The following EIF3B variants were observed in gnomAD, a reference collection of about 807,000 sequenced individuals.
The protein encoded by EIF3B is eukaryotic translation initiation factor 3 subunit B, also known as eukaryotic translation initiation factor 3 subunit 9.
EIF3B carries 10 observed loss-of-function variants against 104.6 expected under a neutral mutation model. The observed-to-expected ratio is 0.10, with a 90% CI of 0.06 to 0.16. EIF3B has a LOEUF of 0.16. EIF3B is among the 10% of genes least tolerant of loss of function. EIF3B has a pLI of 1.00. For missense variants in EIF3B, 1,014 were observed against 1,087.9 expected (o/e 0.93, Z 0.96); for synonymous variants, 542 against 417.2 (o/e 1.30, Z -3.65).
intron 10 of EIF3B, 88 bp downstream of exon 10, chr7:2,369,770 T>C (rs1467024449): frequency 1.0e-5 from 1 of 100,494 alleles, no homozygotes; most frequent in East Asian, 1.8e-3. Context: ...AATGGATTTT[T>C]TTTTTTTTTT....
At chr7:2,358,831 G>C (rs913684070) in intron 1 of EIF3B, among the ~76,000 whole-genome samples, 2 of 152,198 alleles carry the variant, frequency 1.3e-5, no homozygotes, top group African/African-American at 4.8e-5. Context: ...GCCTGGCCGT[G>C]TTCTAAATTC....
chr7:2,354,516 G>A (rs941244084), upstream of EIF3B, among the ~76,000 whole-genome samples: 5 of 152,072 alleles, frequency 3.3e-5, no homozygotes. Flanking sequence ...TCTTGTCCCC[G>A]CCTTCAGCTC....
At chr7:2,357,640 CTCTT>C (rs1469099452) in intron 1 of EIF3B, among the ~76,000 whole-genome samples, 1 of 152,134 alleles carries the variant, frequency 6.6e-6, no homozygotes, top group African/African-American at 2.4e-5. Context: ...ACTATTCTTT[CTCTT>C]TCTATTTGCT....
chr7:2,362,416 T>C (rs985567221), intron 2 of EIF3B, among the ~76,000 whole-genome samples: 1 of 152,258 alleles, frequency 6.6e-6, no homozygotes, highest in Non-Finnish European at 1.5e-5. Flanking sequence ...TCTATAATTA[T>C]GATAATGAAA....
intron 1 of EIF3B, among the ~76,000 whole-genome samples, chr7:2,358,576 G>C (rs1353340791): frequency 6.6e-6 from 1 of 152,020 alleles, no homozygotes; most frequent in Non-Finnish European, 1.5e-5. Context: ...TCCCAGGCTG[G>C]AGTGCAGTGG....
chr7:2,367,825 A>ATTTTTTTTTTTTTTTTT (rs71026506), intron 9 of EIF3B, among the ~76,000 whole-genome samples: 5 of 60,292 alleles, frequency 8.3e-5, no homozygotes, highest in South Asian at 8.1e-4. Context: ...TTTTTTTAAA[A>ATTTTTTTTTTTTTTTTT]TTTTTTTTTT....
At chr7:2,378,968 G>C in intron 16 of EIF3B, 166 bp from the exon 17 acceptor site, 1 of 747,074 alleles carries the variant, frequency 1.3e-6, no homozygotes, top group Non-Finnish European at 2.2e-6. Flanking sequence ...CTGCCTTGTG[G>C]GTGGGGGGCA....
chr7:2,379,101 C>A lies in EIF3B; in HGVS notation c.2233-33C>A. On this transcript the variant is annotated intron_variant, in intron 16 of 18. Coordinates refer to ENST00000360876, the MANE Select transcript of EIF3B (RefSeq NM_001037283.2). ...TCGCGATGGGGAGGCACTTGTCTTA[C>A]CAGTTCTGTGCTTTCCCCAACCTCA... The A allele has an allele frequency of 1.9e-6, 3 of 1,594,078 alleles. 1 individual carries two copies. In the South Asian group the frequency reaches 3.3e-5, roughly 18 times the overall value.
chr7:2,365,285 G>C (rs572756066), intron 6 of EIF3B, among the ~76,000 whole-genome samples: 3 of 152,218 alleles, frequency 2.0e-5, no homozygotes, highest in African/African-American at 7.2e-5. Context: ...TCCGGCTGTC[G>C]GAGGCCTGCT....
chr7:2,375,740 C>T (rs914265748), intron 14 of EIF3B, among the ~76,000 whole-genome samples: 22 of 151,992 alleles, frequency 1.4e-4, no homozygotes, highest in Non-Finnish European at 2.6e-4. Flanking sequence ...CTCATGGTTG[C>T]GGGGAGGTGG....
intron 1 of EIF3B, 26 bp downstream of exon 1, chr7:2,355,446 C>T (rs376604993): frequency 2.8e-6 from 4 of 1,419,482 alleles, no homozygotes; most frequent in South Asian, 2.9e-5. Flanking sequence ...GCGGGGCTGG[C>T]GAGCGGCGCG....
chr7:2,359,916 C>A (rs1779641602), intron 1 of EIF3B, among the ~76,000 whole-genome samples: 1 of 152,162 alleles, frequency 6.6e-6, no homozygotes, highest in African/African-American at 2.4e-5. Context: ...CTGTCACATC[C>A]CTGTCTCCTG....
At position 2,360,701 on chromosome 7, in the gene EIF3B, CTT is replaced by C. The variant is rs1327524585; in HGVS notation, c.500-8_500-7del. 6 of 1,569,914 alleles carry C rather than the reference CTT, an allele frequency of 3.8e-6. No homozygotes were observed. Among genetic ancestry groups the C allele is most frequent in the African/African-American group, 1.4e-5 (1 of 73,512 alleles). Reference sequence around the variant, plus strand: ...AAAAATGATCATTTGAAAAATCTCTCTTGTTCAGAATTACTGGGAGATGTACT... The same window carrying C: ...AAAAATGATCATTTGAAAAATCTCTCGTTCAGAATTACTGGGAGATGTACT... On this transcript the variant is annotated splice_polypyrimidine_tract_variant and splice_region_variant and intron_variant, in intron 1 of 18. Transcript: ENST00000360876.
intron 9 of EIF3B, among the ~76,000 whole-genome samples, chr7:2,368,211 C>T (rs1178409862): frequency 1.3e-5 from 2 of 152,074 alleles, no homozygotes; most frequent in East Asian, 3.8e-4. Context: ...GGCGTGATCT[C>T]GGCTGACTGC....
intron 4 of EIF3B, 44 bp downstream of exon 4, chr7:2,363,171 T>G: frequency 6.3e-7 from 1 of 1,595,270 alleles, no homozygotes; most frequent in Non-Finnish European, 8.6e-7. Flanking sequence ...AAAGAAATGC[T>G]GCTGGGTGTG....
rs962882055 is a variant in EIF3B, at chr7:2,380,255, T to G, written c.*66T>G. On this transcript the variant is annotated 3_prime_UTR_variant, in exon 19 of 19. Coordinates refer to ENST00000360876, the MANE Select transcript of EIF3B (RefSeq NM_001037283.2). ...CGCTGAGCTACAGGACTCCCGAGTGTGAGCCGCGGTTCCTCTGTTGCAGCG... is the reference window on the plus strand; with the variant it reads ...CGCTGAGCTACAGGACTCCCGAGTGGGAGCCGCGGTTCCTCTGTTGCAGCG... The G allele has an allele frequency of 4.2e-6, 2 of 481,814 alleles. No individual in the cohort carries two copies. The highest frequency in any genetic ancestry group is 2.0e-5 in the African/African-American group (1 of 51,004). 29.8% of individuals were successfully genotyped at this position (481,814 alleles called of 1,614,324 possible).
At chr7:2,362,838 C>G (rs1779812051) in intron 3 of EIF3B, 74 bp downstream of exon 3, 4 of 1,591,108 alleles carry the variant, frequency 2.5e-6, no homozygotes, top group African/African-American at 2.7e-5. Context: ...TGGCTTGGTG[C>G]TTCTCGGTGC....
intron 6 of EIF3B, among the ~76,000 whole-genome samples, chr7:2,364,976 C>T (rs1775846900): frequency 6.6e-6 from 1 of 152,218 alleles, no homozygotes; most frequent in African/African-American, 2.4e-5. Flanking sequence ...ATAAATTGTC[C>T]TTCCTCTATC....
chr7:2,365,244 C>G (rs955554772), intron 6 of EIF3B, among the ~76,000 whole-genome samples: 1 of 152,244 alleles, frequency 6.6e-6, no homozygotes, highest in African/African-American at 2.4e-5. Context: ...GCCACCGCAC[C>G]TGGCCGAGCC....
Sources: gnomAD v4.1 joint callset for allele counts (sites outside exome capture counted in the v4.1 genomes callset) on GRCh38, gnomAD v4.1.1 for gene constraint, MANE v1.5 for transcripts, NCBI Gene and HGNC (gene_info 2026-07-23, HGNC 2026-07-21) for gene names.